Variants in SBF2 observed in about 807,000 individuals in gnomAD.
The protein encoded by SBF2 is SET binding factor 2.
Under a neutral mutation model 225.2 loss-of-function variants are expected in SBF2, and 112 were observed. That is an observed-to-expected ratio of 0.50 (90% CI 0.43 to 0.58). SBF2 has a LOEUF of 0.58. Among genes scored for constraint, SBF2 ranks in the 20% least tolerant of loss-of-function variants. SBF2 has a pLI of 0.00. For synonymous variants in SBF2, 763 were observed against 773.3 expected (o/e 0.99, Z 0.22); for missense variants, 1,996 against 2,206.2 (o/e 0.90, Z 1.91).
At chr11:10,146,341 C>G (rs1339231066) in intron 2 of SBF2, among the ~76,000 whole-genome samples, 1 of 152,120 alleles carries the variant, frequency 6.6e-6, no homozygotes, top group Non-Finnish European at 1.5e-5. Flanking sequence ...GCTACAGTAA[C>G]CAAAACAGCA....
At chr11:9,886,699 G>GTTTTTT (rs61240594) in intron 17 of SBF2, among the ~76,000 whole-genome samples, 1,782 of 133,744 alleles carry the variant, frequency 0.013, 77 homozygotes, top group African/African-American at 0.046. Flanking sequence ...TGATTCATGT[G>GTTTTTT]TTTTTTTTTT....
At chr11:9,912,075 G>C (rs1177942670) in intron 16 of SBF2, among the ~76,000 whole-genome samples, 4 of 152,046 alleles carry the variant, frequency 2.6e-5, no homozygotes, top group Non-Finnish European at 4.4e-5. Context: ...CCAGCACTTT[G>C]GGAGGCTAAG....
chr11:9,829,181 A>C (rs1035748374), intron 28 of SBF2, among the ~76,000 whole-genome samples, 175 bp downstream of exon 28: 1 of 152,254 alleles, frequency 6.6e-6, no homozygotes, highest in Non-Finnish European at 1.5e-5. Context: ...CTAGACATTA[A>C]TAGTGGTAGA....
chr11:9,846,365 G>C (rs1409666679), intron 23 of SBF2, among the ~76,000 whole-genome samples: 2 of 152,168 alleles, frequency 1.3e-5, no homozygotes, highest in East Asian at 1.9e-4. Flanking sequence ...TGAAGAATAA[G>C]ACAAGCAAAA....
intron 1 of SBF2, among the ~76,000 whole-genome samples, chr11:10,202,581 C>T (rs933989383): frequency 6.6e-6 from 1 of 152,070 alleles, no homozygotes; most frequent in Non-Finnish European, 1.5e-5. Context: ...GTCAGGAGAT[C>T]GAGACCATCC....
chr11:9,914,025 T>G (rs1045778102), intron 16 of SBF2, among the ~76,000 whole-genome samples: 1 of 152,198 alleles, frequency 6.6e-6, no homozygotes, highest in African/African-American at 2.4e-5. Context: ...TCCTTTTACA[T>G]AGTATATCAC....
chr11:10,247,072 C>G (rs141912546), intron 1 of SBF2, among the ~76,000 whole-genome samples: 1 of 152,040 alleles, frequency 6.6e-6, no homozygotes, highest in Non-Finnish European at 1.5e-5. Context: ...ATAAATAAGA[C>G]CCTGTCTTTA....
intron 29 of SBF2, among the ~76,000 whole-genome samples, chr11:9,814,180 TGAA>T (rs1170055227): frequency 6.6e-6 from 1 of 152,224 alleles, no homozygotes; most frequent in African/African-American, 2.4e-5. Flanking sequence ...TGCCTAGCTC[TGAA>T]GAAGATTTAA....
intron 2 of SBF2, among the ~76,000 whole-genome samples, chr11:10,130,848 T>G (rs2135095443): frequency 6.6e-6 from 1 of 152,274 alleles, no homozygotes; most frequent in East Asian, 1.9e-4. Flanking sequence ...CTGAGATCTG[T>G]CCAAATTTTT....
intron 15 of SBF2, among the ~76,000 whole-genome samples, chr11:9,963,063 G>A (rs1160785962): frequency 6.6e-6 from 1 of 152,132 alleles, no homozygotes; most frequent in African/African-American, 2.4e-5. Context: ...CATTGAAGAA[G>A]GCAAGAAAAC....
At chr11:10,165,827 AATAT>A (rs1371788724) in intron 2 of SBF2, among the ~76,000 whole-genome samples, 1 of 152,214 alleles carries the variant, frequency 6.6e-6, no homozygotes, top group Non-Finnish European at 1.5e-5. Flanking sequence ...AAGGAATTTG[AATAT>A]GTATGTATTT....
intron 1 of SBF2, among the ~76,000 whole-genome samples, chr11:10,200,769 A>G (rs1309907872): frequency 6.6e-6 from 1 of 152,156 alleles, no homozygotes; most frequent in East Asian, 1.9e-4. Context: ...ATATTGACAA[A>G]CTCTCAATAA....
At chr11:9,850,347 C>T (rs1423585020) in intron 21 of SBF2, 129 bp from the exon 22 acceptor site, 1 of 851,198 alleles carries the variant, frequency 1.2e-6, no homozygotes, top group Admixed American at 2.0e-5. Context: ...CATCAAACTC[C>T]TGGGCTCAAA....
At chr11:10,293,993 C>A in intron 1 of SBF2, 22 bp downstream of exon 1, 2 of 1,333,492 alleles carry the variant, frequency 1.5e-6, no homozygotes, top group South Asian at 4.1e-5. Context: ...GGCCCGGGGG[C>A]GGTGCCGCCC....
intron 36 of SBF2, 44 bp from the exon 37 acceptor site, chr11:9,785,362 T>A: frequency 7.4e-7 from 1 of 1,353,848 alleles, no homozygotes; most frequent in Non-Finnish European, 1.0e-6. Context: ...TACAGACACT[T>A]AAACTACTGA....
At chr11:9,907,916 GGTTAAATT>G (rs1564984830) in intron 16 of SBF2, among the ~76,000 whole-genome samples, 2 of 152,282 alleles carry the variant, frequency 1.3e-5, no homozygotes, top group East Asian at 3.9e-4. Flanking sequence ...GCCTCTCAGA[GGTTAAATT>G]ATTTGCTTGC....
chr11:10,272,795 G>A (rs1265705644), intron 1 of SBF2, among the ~76,000 whole-genome samples: 1 of 136,248 alleles, frequency 7.3e-6, no homozygotes, highest in Admixed American at 7.4e-5. Context: ...AACATGCCGG[G>A]CGCGGTGGCT....
chr11:10,295,409 C>T (rs919099172), upstream of SBF2, among the ~76,000 whole-genome samples: 4 of 152,162 alleles, frequency 2.6e-5, no homozygotes, highest in African/African-American at 9.7e-5. Context: ...TTTACTATTT[C>T]CCCTTTCTCT....
At chr11:9,988,979 T>C (rs746171968) in intron 13 of SBF2, among the ~76,000 whole-genome samples, 7 of 151,914 alleles carry the variant, frequency 4.6e-5, no homozygotes, top group Non-Finnish European at 8.8e-5. Flanking sequence ...CAATTCACAA[T>C]TGCAAAATCA....
Sources: allele counts gnomAD v4.1 joint callset (sites outside exome capture counted in the v4.1 genomes callset), GRCh38; gene constraint gnomAD v4.1.1; transcripts MANE v1.5; gene names NCBI Gene and HGNC (gene_info 2026-07-23, HGNC 2026-07-21).